Variants in DLG2 observed in about 807,000 individuals in gnomAD.
DLG2 encodes the protein disks large homolog 2.
Under a neutral mutation model 132.5 loss-of-function variants are expected in DLG2, and 45 were observed. The ratio of observed to expected loss-of-function variants is 0.34; its 90% confidence interval spans 0.27 to 0.44. The LOEUF is 0.44. Among genes scored for constraint, DLG2 ranks in the 20% least tolerant of loss-of-function variants. The probability of loss-of-function intolerance (pLI) is 1.00; values close to 1 mark genes in which losing one functional copy is unlikely to be tolerated. For synonymous variants in DLG2, 424 were observed against 419.6 expected (o/e 1.01, Z -0.13); for missense variants, 1,045 against 1,196.9 (o/e 0.87, Z 1.87).
chr11:83,975,207 T>C (rs926141311), intron 12 of DLG2, among the ~76,000 whole-genome samples: 3 of 152,046 alleles, frequency 2.0e-5, no homozygotes, highest in Admixed American at 6.6e-5. Context: ...TGTGAAAATA[T>C]ATGAAAGAAT....
At chr11:85,263,412 C>A (rs978298218) in intron 4 of DLG2, among the ~76,000 whole-genome samples, 5 of 152,192 alleles carry the variant, frequency 3.3e-5, no homozygotes, top group African/African-American at 1.2e-4. Context: ...TGTGGGTTTG[C>A]CCTGGTTGAG....
At chr11:85,178,973 G>T (rs1479228457) in intron 4 of DLG2, among the ~76,000 whole-genome samples, 1 of 151,800 alleles carries the variant, frequency 6.6e-6, no homozygotes, top group African/African-American at 2.4e-5. Context: ...GAATTTTCCA[G>T]GATTTCAAAA....
At chr11:83,581,222 C>A (rs1375568829) in intron 19 of DLG2, among the ~76,000 whole-genome samples, 1 of 151,988 alleles carries the variant, frequency 6.6e-6, no homozygotes, top group African/African-American at 2.4e-5. Flanking sequence ...ACATATTACT[C>A]CCATTTTGCT....
intron 7 of DLG2, among the ~76,000 whole-genome samples, chr11:84,384,073 G>A (rs1172005028): frequency 7.1e-6 from 1 of 141,380 alleles, no homozygotes; most frequent in African/African-American, 2.6e-5. Context: ...CTAGCATCTA[G>A]TATAGGAAGC....
intron 6 of DLG2, among the ~76,000 whole-genome samples, chr11:84,828,914 C>T (rs966071143): frequency 6.6e-6 from 1 of 151,532 alleles, no homozygotes; most frequent in Non-Finnish European, 1.5e-5. Context: ...CTAATGCTGC[C>T]AATGCAATTT....
chr11:83,607,178 T>C (rs187195408), intron 19 of DLG2, among the ~76,000 whole-genome samples: 1 of 152,322 alleles, frequency 6.6e-6, no homozygotes, highest in Non-Finnish European at 1.5e-5. Flanking sequence ...ACGGTTTGGA[T>C]AGTTGGCTGC....
intron 6 of DLG2, among the ~76,000 whole-genome samples, chr11:84,768,174 G>C (rs1414996608): frequency 6.6e-6 from 1 of 152,080 alleles, no homozygotes; most frequent in Non-Finnish European, 1.5e-5. Context: ...TATGCACAAA[G>C]AAAAAGTACA....
chr11:85,471,736 C>T (rs1379375070), intron 3 of DLG2, among the ~76,000 whole-genome samples: 2 of 152,048 alleles, frequency 1.3e-5, no homozygotes, highest in Non-Finnish European at 2.9e-5. Context: ...CTTGTAAGAG[C>T]AGTCCCAGAA....
chr11:84,858,146 G>GCCTC (rs957650290), intron 6 of DLG2, among the ~76,000 whole-genome samples: 1 of 152,036 alleles, frequency 6.6e-6, no homozygotes, highest in African/African-American at 2.4e-5. Context: ...GCCTGCCTCA[G>GCCTC]CCTCCTAAAG....
chr11:84,565,483 C>T (rs929407321), intron 6 of DLG2, among the ~76,000 whole-genome samples: 5 of 152,114 alleles, frequency 3.3e-5, no homozygotes, highest in Admixed American at 3.3e-4. Context: ...TGTTAGAAAA[C>T]TCTGTGAGTC....
intron 18 of DLG2, among the ~76,000 whole-genome samples, chr11:83,672,939 G>A (rs2077075116): frequency 6.6e-6 from 1 of 152,160 alleles, no homozygotes; most frequent in South Asian, 2.1e-4. Context: ...GCACACACCT[G>A]TAGTCCTAGC....
chr11:84,273,306 G>GAA (rs752762450), intron 7 of DLG2: 8,840 of 776,374 alleles, frequency 0.011, no homozygotes, highest in African/African-American at 0.016. Flanking sequence ...AGTTGAAGAG[G>GAA]AAAAAAAAAA....
intron 7 of DLG2, among the ~76,000 whole-genome samples, chr11:84,458,587 T>C (rs954397099): frequency 4.6e-5 from 7 of 150,888 alleles, no homozygotes; most frequent in South Asian, 2.1e-4. Flanking sequence ...GATTTTTGAA[T>C]TGATCTGTTA....
chr11:83,510,747 A>G (rs904649199), intron 21 of DLG2, among the ~76,000 whole-genome samples: 2 of 150,782 alleles, frequency 1.3e-5, no homozygotes, highest in East Asian at 2.0e-4. Flanking sequence ...TGTGTTTTCT[A>G]TGACAAGCAG....
At chr11:85,140,111 C>T (rs578166866) in intron 5 of DLG2, among the ~76,000 whole-genome samples, 16 of 152,022 alleles carry the variant, frequency 1.1e-4, no homozygotes, top group African/African-American at 1.7e-4. Flanking sequence ...TGAATAATAC[C>T]GCAAAGGTCA....
In DLG2 at chr11:83,841,593, A is replaced by G. The variant is rs115199144; in HGVS notation, c.1566-7823T>C. Among the ~76,000 whole-genome samples the G allele has an allele frequency of 8.5e-3, 1,297 of 152,336 alleles. 12 individuals carry two copies. Among genetic ancestry groups the G allele is most frequent in the African/African-American group, 0.03 (1,248 of 41,566 alleles). On this transcript the variant is annotated intron_variant, in intron 16 of 27. Transcript: ENST00000376104. ...TAGCTAGAGTGAGCAACTTCAGGGC[A>G]GAGACCCATACAAAACGACATACGT...
chr11:85,002,053 G>A (rs2058266488), intron 6 of DLG2, among the ~76,000 whole-genome samples: 1 of 152,118 alleles, frequency 6.6e-6, no homozygotes, highest in African/African-American at 2.4e-5. Context: ...AAGCAACAGT[G>A]CTTTATTAAG....
intron 7 of DLG2, among the ~76,000 whole-genome samples, chr11:84,307,554 G>A (rs554670814): frequency 3.9e-4 from 60 of 152,130 alleles, no homozygotes; most frequent in African/African-American, 1.4e-3. Flanking sequence ...AAATTAGCCG[G>A]GCGCAGTGAA....
intron 10 of DLG2, among the ~76,000 whole-genome samples, chr11:84,089,757 A>C (rs370234564): frequency 1.3e-5 from 2 of 152,198 alleles, no homozygotes; most frequent in Non-Finnish European, 2.9e-5. Flanking sequence ...CTTGTCTGGG[A>C]GTAGAAATGA....
Sources: allele counts gnomAD v4.1 joint callset (sites outside exome capture counted in the v4.1 genomes callset), GRCh38; gene constraint gnomAD v4.1.1; transcripts MANE v1.5; gene names NCBI Gene and HGNC (gene_info 2026-07-23, HGNC 2026-07-21).